The following NAALAD2 variants were observed in gnomAD, a reference collection of about 807,000 sequenced individuals.
NAALAD2 encodes the protein N-acetylated alpha-linked acidic dipeptidase 2.
A neutral mutation model predicts 95.6 loss-of-function variants in NAALAD2; 89 were observed. The ratio of observed to expected loss-of-function variants is 0.93; its 90% confidence interval spans 0.78 to 1.11. The LOEUF (loss-of-function observed/expected upper bound fraction) is 1.11, where lower values mean the gene tolerates loss of function less well. NAALAD2 is among the 50% of genes least tolerant of loss of function. NAALAD2 has a pLI of 0.00. For missense variants in NAALAD2, 894 were observed against 872.4 expected, an observed-to-expected ratio of 1.02 and a Z score of -0.31; for synonymous variants, 264 against 294.4, an observed-to-expected ratio of 0.90 and a Z score of 1.06.
Position 90,191,941 on chromosome 11 carries a change from T to A in NAALAD2, c.*194T>A. On this transcript the variant is annotated 3_prime_UTR_variant, in exon 19 of 19. Coordinates refer to ENST00000534061, the MANE Select transcript of NAALAD2 (RefSeq NM_005467.4). ...GTTAATAATTATATTAGCAAAGTGTTAATCTAATGAAGTAAAAAACTCCTG... is the reference window on the plus strand; with the variant it reads ...GTTAATAATTATATTAGCAAAGTGTAAATCTAATGAAGTAAAAAACTCCTG... 1 of 347,418 alleles carries A rather than the reference T, an allele frequency of 2.9e-6. No individual in the cohort carries two copies. The highest frequency in any genetic ancestry group is 5.1e-6 in the Non-Finnish European group (1 of 197,144). 21.5% of individuals were successfully genotyped at this position (347,418 alleles called of 1,614,324 possible).
chr11:90,133,865 G>C (rs1289615355), upstream of NAALAD2, among the ~76,000 whole-genome samples: 1 of 151,796 alleles, frequency 6.6e-6, no homozygotes, highest in Non-Finnish European at 1.5e-5. Flanking sequence ...GCCTTTAGTA[G>C]TTCTGGACTT....
At chr11:90,187,230 T>C (rs1857178060) in intron 18 of NAALAD2, among the ~76,000 whole-genome samples, 1 of 151,878 alleles carries the variant, frequency 6.6e-6, no homozygotes, top group Non-Finnish European at 1.5e-5. Flanking sequence ...GGTGGGACTG[T>C]AAACTAGTTC....
In NAALAD2 at chr11:90,149,074, A is replaced by T. The variant is rs376188491; in HGVS notation, c.450A>T (p.Pro150=). The T allele has an allele frequency of 5.0e-6, 8 of 1,604,598 alleles. No homozygotes were observed. The African/African-American group carries it at 9.4e-5, about 19-fold the overall frequency. ...AGAATGTTACAAATATTGTGCCACC[A>T]TATAATGCTTTCTCAGCCCAAGGCA... ...GYENVTNIVP[P]YNAFSAQGMP... is the part of the protein sequence containing the mutation. Residue 150 remains proline, a synonymous_variant, in exon 4 of 19, where the codon CCA becomes CCT. Coordinates refer to ENST00000534061, the MANE Select transcript of NAALAD2 (RefSeq NM_005467.4).
chr11:90,135,819 C>A, intron 2 of NAALAD2, 149 bp downstream of exon 2: 1 of 556,958 alleles, frequency 1.8e-6, no homozygotes, highest in Admixed American at 3.4e-5. Context: ...TTTAATGTCT[C>A]TTTACACCAG....
chr11:90,175,930 G>T, intron 14 of NAALAD2, 42 bp from the exon 15 acceptor site: 1 of 735,324 alleles, frequency 1.4e-6, no homozygotes, highest in East Asian at 4.2e-5. Flanking sequence ...ACTTGTTTAT[G>T]TGTGTGTGTG....
chr11:90,154,404 C>A (rs1951973267), intron 6 of NAALAD2, among the ~76,000 whole-genome samples: 1 of 151,818 alleles, frequency 6.6e-6, no homozygotes, highest in Non-Finnish European at 1.5e-5. Context: ...TAGAGATGAT[C>A]ATATGTTATC....
At position 90,163,553 on chromosome 11, in the gene NAALAD2, C is replaced by G; in HGVS notation, c.1214C>G (p.Thr405Ser). The change falls in exon 11 of 19, where the codon ACT becomes AGT. Residue 405 changes from threonine (T) to serine (S), a missense_variant. By Grantham distance (58) the Thr-to-Ser change is moderately conservative. Coordinates refer to ENST00000534061, the MANE Select transcript of NAALAD2 (RefSeq NM_005467.4). Reference protein sequence around the residue: ...LMSKGWRPRRTIIFASWDAEE... With the variant: ...LMSKGWRPRRSIIFASWDAEE... ...CTTACAGGCTGGAGACCTAGAAGAA[C>G]TATCATTTTTGCCAGCTGGGATGCA... The G allele has an allele frequency of 6.2e-7, 1 of 1,614,004 alleles. No individual in the cohort carries two copies. The highest frequency in any genetic ancestry group is 8.5e-7 in the Non-Finnish European group (1 of 1,179,950).
chr11:90,152,615 G>T, intron 6 of NAALAD2, 131 bp downstream of exon 6: 1 of 601,918 alleles, frequency 1.7e-6, no homozygotes, highest in Non-Finnish European at 2.7e-6. Flanking sequence ...TTGGATTACT[G>T]CTGCTAGGAA....
Position 90,182,964 on chromosome 11 carries a change from A to G in NAALAD2, c.1989A>G (p.Arg663=). The G allele has an allele frequency of 3.7e-6, 6 of 1,612,882 alleles. No homozygotes were observed. The South Asian group carries it at 6.6e-5, about 18-fold the overall frequency. Residue 663 remains arginine (R), a synonymous_variant, in exon 18 of 19, where the codon AGA becomes AGG. Coordinates refer to ENST00000534061, the MANE Select transcript of NAALAD2 (RefSeq NM_005467.4). ...MMNDQLMLLE[R]AFIDPLGLPG... ...ATGACCAACTGATGCTCCTGGAAAG[A>G]GCATTCATCGATCCTCTTGGTTTAC...
intron 2 of NAALAD2, among the ~76,000 whole-genome samples, chr11:90,144,650 G>A (rs1357559601): frequency 4.0e-5 from 6 of 150,622 alleles, no homozygotes; most frequent in African/African-American, 1.5e-4. Context: ...GCTGAGGCAG[G>A]AGAATTGCTT....
rs1449486923 is a variant in NAALAD2 at position 90,191,771 on chromosome 11, A to G, written c.*24A>G. 1 of 1,466,780 alleles carries G rather than the reference A, an allele frequency of 6.8e-7. No individual in the cohort carries two copies. Among genetic ancestry groups the G allele is most frequent in the African/African-American group, 1.4e-5 (1 of 70,096 alleles). 90.9% of individuals were successfully genotyped at this position (1,466,780 alleles called of 1,614,324 possible). On this transcript the variant is annotated 3_prime_UTR_variant, in exon 19 of 19. Transcript: ENST00000534061. ...AGAAGGTCTCAAGTGGCTAGCCATT[A>G]AAGGTGTTGCTAAAAGTCTGAGGAT... is the stretch of plus-strand genomic sequence containing the variant.
intron 17 of NAALAD2, 84 bp downstream of exon 17, chr11:90,181,785 T>G (rs1046054440): frequency 1.2e-4 from 100 of 845,548 alleles, no homozygotes; most frequent in Non-Finnish European, 1.7e-4. Flanking sequence ...CATATTAGCA[T>G]TAACCTCTAA....
rs757030867 is a variant in NAALAD2, at chr11:90,163,330, G to A, written c.1096G>A (p.Gly366Ser). ...VEPDRYVILG[G>S]HRDSWVFGAI... ...TCCAGACAGGTATGTTATTCTGGGA[G>A]GTCACCGGGACTCCTGGGTATTTGG... The change falls in exon 10 of 19, where the codon GGT (glycine) becomes AGT (serine). Residue 366 changes from glycine to serine, a missense_variant. Physicochemically the swap from Gly to Ser is moderately conservative, Grantham distance 56. Coordinates refer to ENST00000534061, the MANE Select transcript of NAALAD2 (RefSeq NM_005467.4). 1.2e-5 allele frequency: 19 copies of A among 1,613,784 alleles called. No homozygotes were observed. Among genetic ancestry groups the A allele is most frequent in the Non-Finnish European group, 1.6e-5 (19 of 1,179,768 alleles).
intron 3 of NAALAD2, among the ~76,000 whole-genome samples, chr11:90,148,640 G>T (rs1422528303): frequency 6.6e-6 from 1 of 152,062 alleles, no homozygotes; most frequent in African/African-American, 2.4e-5. Context: ...GCAAGCAATG[G>T]GCTGGGGATA....
intron 6 of NAALAD2, among the ~76,000 whole-genome samples, chr11:90,154,857 ATG>A (rs1428686304): frequency 3.5e-5 from 5 of 143,356 alleles, no homozygotes; most frequent in African/African-American, 1.3e-4. Context: ...TATACATAAT[ATG>A]TATATATTAT....
rs746490233 is a variant in NAALAD2, at chr11:90,191,586, A to G, written c.2062A>G (p.Asn688Asp). 6.3e-7 allele frequency: 1 copy of G among 1,595,540 alleles called. No homozygotes were observed. Among genetic ancestry groups the G allele is most frequent in the East Asian group, 2.3e-5 (1 of 44,244 alleles). Residue 688 changes from asparagine (N) to aspartate (D), a missense_variant, in exon 19 of 19, where the codon AAC becomes GAC. Asn to Asp is a conservative substitution (Grantham distance 23). Coordinates refer to ENST00000534061, the MANE Select transcript of NAALAD2 (RefSeq NM_005467.4). ...RHIIFAPSSH[N>D]KYAGESFPGI... The stretch of plus-strand genomic sequence containing the variant: ...CATCATATTTGCTCCAAGTAGCCAC[A>G]ACAAATATGCTGGAGAATCATTTCC...
chr11:90,133,095 G>GA (rs1196614635), upstream of NAALAD2, among the ~76,000 whole-genome samples: 1 of 152,136 alleles, frequency 6.6e-6, no homozygotes, highest in Non-Finnish European at 1.5e-5. Flanking sequence ...TTATGTCCCA[G>GA]AAAAATAAAT....
intron 13 of NAALAD2, among the ~76,000 whole-genome samples, chr11:90,171,887 G>T (rs1221398058): frequency 3.3e-5 from 5 of 152,090 alleles, no homozygotes. Flanking sequence ...GCTGAGGTAA[G>T]ACTCATCTAG....
chr11:90,173,755 A>G, intron 13 of NAALAD2, 69 bp from the exon 14 acceptor site: 1 of 1,028,834 alleles, frequency 9.7e-7, no homozygotes, highest in Non-Finnish European at 1.5e-6. Context: ...CAAATAATAT[A>G]TAGTTTTATT....
Sources: gnomAD v4.1 joint callset for allele counts (sites outside exome capture counted in the v4.1 genomes callset) on GRCh38, gnomAD v4.1.1 for gene constraint, MANE v1.5 for transcripts, NCBI Gene and HGNC (gene_info 2026-07-23, HGNC 2026-07-21) for gene names.